Variants in ASTN2 observed in about 807,000 individuals in gnomAD.
ASTN2 encodes astrotactin 2.
In ASTN2, 54 loss-of-function variants were observed where a neutral mutation model predicts 139.8. The ratio of observed to expected loss-of-function variants is 0.39; its 90% CI spans 0.31 to 0.48. The LOEUF (loss-of-function observed/expected upper bound fraction) is 0.48, where lower values mean the gene tolerates loss of function less well. Ranked by LOEUF, ASTN2 falls within the 20% of genes least tolerant of loss-of-function variation. ASTN2 has a pLI of 0.95. For missense variants in ASTN2, 1,565 were observed against 1,725.1 expected, an observed-to-expected ratio of 0.91 and a Z score of 1.64; for synonymous variants, 756 against 719.5, an observed-to-expected ratio of 1.05 and a Z score of -0.81.
chr9:116,432,416 A>G (rs1056184414), intron 22 of ASTN2, among the ~76,000 whole-genome samples: 4 of 152,244 alleles, frequency 2.6e-5, no homozygotes, highest in African/African-American at 9.6e-5. Context: ...ACAATATTCT[A>G]AACTCGGACT....
At chr9:117,085,263 C>T (rs1828531815) in intron 5 of ASTN2, among the ~76,000 whole-genome samples, 1 of 152,190 alleles carries the variant, frequency 6.6e-6, no homozygotes, top group South Asian at 2.1e-4. Context: ...TGAATCCTAG[C>T]CTGTGGCTAA....
intron 2 of ASTN2, among the ~76,000 whole-genome samples, chr9:117,217,464 C>A (rs1359349197): frequency 6.6e-6 from 1 of 152,232 alleles, no homozygotes; most frequent in Non-Finnish European, 1.5e-5. Context: ...CATCCACCTG[C>A]AACTACTAAT....
chr9:116,692,984 T>C (rs1026406355), intron 16 of ASTN2, among the ~76,000 whole-genome samples: 1 of 152,202 alleles, frequency 6.6e-6, no homozygotes, highest in African/African-American at 2.4e-5. Context: ...ATGTCTGGCA[T>C]TCTCAATCAA....
intron 1 of ASTN2, among the ~76,000 whole-genome samples, chr9:117,413,515 GAAC>G (rs1489484041): frequency 6.6e-6 from 1 of 152,194 alleles, no homozygotes; most frequent in African/African-American, 2.4e-5. Context: ...GAGCTAAGGG[GAAC>G]AACATTTTTG....
intron 10 of ASTN2, among the ~76,000 whole-genome samples, chr9:116,869,795 A>C (rs1459537866): frequency 6.6e-6 from 1 of 152,178 alleles, no homozygotes; most frequent in African/African-American, 2.4e-5. Context: ...GAATGAATGT[A>C]GCTATGTTTC....
At chr9:116,429,146 C>G (rs1847409469) in intron 22 of ASTN2, among the ~76,000 whole-genome samples, 1 of 151,942 alleles carries the variant, frequency 6.6e-6, no homozygotes, top group Admixed American at 6.6e-5. Context: ...TGAGACCAGC[C>G]TGGCCAACAT....
At chr9:116,714,567 T>C (rs1449638627) in intron 16 of ASTN2, among the ~76,000 whole-genome samples, 1 of 152,182 alleles carries the variant, frequency 6.6e-6, no homozygotes, top group Non-Finnish European at 1.5e-5. Flanking sequence ...ATAAGCATAA[T>C]TATACCCATG....
intron 6 of ASTN2, among the ~76,000 whole-genome samples, chr9:117,032,615 C>T (rs925324622): frequency 6.6e-6 from 1 of 152,156 alleles, no homozygotes; most frequent in African/African-American, 2.4e-5. Flanking sequence ...TCACTGCAAA[C>T]TAGTTCTGAA....
intron 5 of ASTN2, among the ~76,000 whole-genome samples, chr9:117,042,245 C>A (rs1165434008): frequency 1.3e-5 from 2 of 152,100 alleles, no homozygotes; most frequent in East Asian, 3.9e-4. Context: ...TTACAACAGC[C>A]CGTTGGGGTA....
chr9:117,267,582 T>C (rs1007834), intron 2 of ASTN2, among the ~76,000 whole-genome samples: 76,612 of 152,070 alleles, frequency 0.5, 22,069 homozygotes, highest in Admixed American at 0.66. Flanking sequence ...TTGCAAAGTT[T>C]CTGCAAATCT....
intron 10 of ASTN2, among the ~76,000 whole-genome samples, chr9:116,922,094 G>A (rs111642458): frequency 2.0e-4 from 31 of 152,134 alleles, no homozygotes; most frequent in African/African-American, 4.6e-4. Flanking sequence ...TCTTCCTTCC[G>A]GAAGTCTTTT....
At chr9:117,265,384 G>C (rs900490632) in intron 2 of ASTN2, among the ~76,000 whole-genome samples, 6 of 152,174 alleles carry the variant, frequency 3.9e-5, no homozygotes, top group African/African-American at 1.4e-4. Flanking sequence ...ACAATCAGCA[G>C]TTAAGGACTG....
intron 1 of ASTN2, among the ~76,000 whole-genome samples, chr9:117,332,313 G>A (rs1347379267): frequency 6.6e-6 from 1 of 152,200 alleles, no homozygotes; most frequent in African/African-American, 2.4e-5. Context: ...GCTCATGCCT[G>A]TAATCCCAGC....
chr9:117,092,317 C>T (rs1426187352), intron 5 of ASTN2, among the ~76,000 whole-genome samples: 1 of 152,038 alleles, frequency 6.6e-6, no homozygotes, highest in African/African-American at 2.4e-5. Flanking sequence ...CAGTGCAGGG[C>T]CCTTAACCAG....
At chr9:117,061,362 G>C (rs1839285052) in intron 5 of ASTN2, among the ~76,000 whole-genome samples, 1 of 40,704 alleles carries the variant, frequency 2.5e-5, no homozygotes, top group South Asian at 5.6e-4. Context: ...CATGATGTAA[G>C]TGCTTTGCAC....
At chr9:116,602,407 A>G (rs1854949801) in intron 19 of ASTN2, among the ~76,000 whole-genome samples, 1 of 152,218 alleles carries the variant, frequency 6.6e-6, no homozygotes, top group Admixed American at 6.5e-5. Context: ...GATATAAAAT[A>G]TAGGATATAA....
chr9:117,072,568 G>C (rs781049556), intron 5 of ASTN2, among the ~76,000 whole-genome samples: 1 of 152,156 alleles, frequency 6.6e-6, no homozygotes, highest in Non-Finnish European at 1.5e-5. Flanking sequence ...CAATGGAATC[G>C]TCAATTTGAA....
intron 10 of ASTN2, among the ~76,000 whole-genome samples, chr9:116,908,799 G>T (rs540971220): frequency 6.6e-6 from 1 of 152,186 alleles, no homozygotes; most frequent in Non-Finnish European, 1.5e-5. Flanking sequence ...TAATGTATGC[G>T]TGTATAATAT....
At chr9:116,727,313 A>G (rs184586159) in intron 15 of ASTN2, among the ~76,000 whole-genome samples, 6 of 152,282 alleles carry the variant, frequency 3.9e-5, no homozygotes, top group Admixed American at 3.9e-4. Flanking sequence ...AACCACAATT[A>G]TTACAAGAAC....
Sources: allele counts gnomAD v4.1 joint callset (sites outside exome capture counted in the v4.1 genomes callset), GRCh38; gene constraint gnomAD v4.1.1; transcripts MANE v1.5; gene names NCBI Gene and HGNC (gene_info 2026-07-23, HGNC 2026-07-21).